CDH23: variants seen among roughly 807,000 people sequenced by gnomAD.
CDH23 encodes the protein cadherin related 23, also known as cadherin-23.
In CDH23, 189 loss-of-function variants were observed where a neutral mutation model predicts 317.1. The observed-to-expected ratio is 0.60, with a 90% CI of 0.53 to 0.67. The LOEUF is 0.67. Among genes scored for constraint, CDH23 ranks in the 30% least tolerant of loss-of-function variants. The probability of loss-of-function intolerance (pLI) is 0.00; values close to 1 mark genes in which losing one functional copy is unlikely to be tolerated. For missense variants in CDH23, 4,401 were observed against 4,592.4 expected, an observed-to-expected ratio of 0.96 and a Z score of 1.20; for synonymous variants, 1,839 against 1,876.8, an observed-to-expected ratio of 0.98 and a Z score of 0.52.
intron 1 of CDH23, among the ~76,000 whole-genome samples, chr10:71,432,260 G>T (rs1341127790): frequency 6.7e-6 from 1 of 149,702 alleles, no homozygotes; most frequent in African/African-American, 2.5e-5. Flanking sequence ...GTGTTTGAGA[G>T]TGTGTGTGTG....
At chr10:71,684,551 C>T (rs1459440785) in intron 18 of CDH23, among the ~76,000 whole-genome samples, 1 of 152,218 alleles carries the variant, frequency 6.6e-6, no homozygotes, top group Non-Finnish European at 1.5e-5. Context: ...TGACCTGGGT[C>T]TCTGAAACAA....
At position 71,791,727 on chromosome 10, in the gene CDH23, C is replaced by A. The variant is rs371080048; in HGVS notation, c.6253+392C>A. On this transcript the variant is annotated intron_variant, in intron 47 of 69. Coordinates refer to ENST00000224721, the MANE Select transcript of CDH23 (RefSeq NM_022124.6). Reference sequence around the variant, plus strand: ...AGTAGCTGGGATTACAGGCGCCCACCACCACACCCAGCTAATTTTTGTATT... The same window carrying A: ...AGTAGCTGGGATTACAGGCGCCCACAACCACACCCAGCTAATTTTTGTATT... Among the ~76,000 whole-genome samples, 537 of 152,112 alleles carry A rather than the reference C, an allele frequency of 3.5e-3. 2 individuals carry two copies. The highest frequency in any genetic ancestry group is 0.012 in the African/African-American group (510 of 41,496).
intron 9 of CDH23, among the ~76,000 whole-genome samples, chr10:71,603,504 C>T (rs1484493695): frequency 6.6e-6 from 1 of 152,188 alleles, no homozygotes; most frequent in Non-Finnish European, 1.5e-5. Flanking sequence ...ACCTGGGGCA[C>T]CTTGGCTCCC....
At chr10:71,788,517 G>A (rs772743428) in intron 44 of CDH23, among the ~76,000 whole-genome samples, 5 of 151,012 alleles carry the variant, frequency 3.3e-5, no homozygotes, top group Admixed American at 6.6e-5. Flanking sequence ...GTGCAGTGGC[G>A]TGATATCCGC....
chr10:71,500,759 GTTTTCTTTTCTTTTC>G (rs56124966), intron 3 of CDH23, among the ~76,000 whole-genome samples: 8,029 of 134,576 alleles, frequency 0.06, 265 homozygotes, highest in South Asian at 0.1. Context: ...CTCTGAGCCT[GTTTTCTTTTCTTTTC>G]TTTTCTTTTC....
chr10:71,706,942 A>T lies in CDH23; in HGVS notation c.2999A>T (p.Tyr1000Phe). The T allele has an allele frequency of 6.2e-7, 1 of 1,607,474 alleles. No homozygotes were observed. Among genetic ancestry groups the T allele is most frequent in the East Asian group, 2.2e-5 (1 of 44,580 alleles). The change falls in exon 26 of 70, where the codon TAC becomes TTC. Residue 1000 changes from tyrosine to phenylalanine, a missense_variant. Physicochemically the swap from Tyr to Phe is conservative, Grantham distance 22. This residue lies in a region of CDH23 where 3,068 missense variants were observed against 3,203.3 expected (regional missense o/e 0.96). Transcript: ENST00000224721. ...ACGCCCACCTTCTTCCCGGCCGTGTACAATGTGTCTGTGTCCGAGGACGTG... is the reference window on the plus strand; with the variant it reads ...ACGCCCACCTTCTTCCCGGCCGTGTTCAATGTGTCTGTGTCCGAGGACGTG... ...DETPTFFPAVYNVSVSEDVPR... is the reference protein window; with the variant it reads ...DETPTFFPAVFNVSVSEDVPR...
chr10:71,640,073 T>C (rs1177312860), intron 11 of CDH23, among the ~76,000 whole-genome samples: 1 of 152,178 alleles, frequency 6.6e-6, no homozygotes, highest in Non-Finnish European at 1.5e-5. Flanking sequence ...GTCTCATTCA[T>C]TTGAAACCCC....
At chr10:71,731,949 T>C in intron 31 of CDH23, 38 bp from the exon 32 acceptor site, 1 of 1,594,664 alleles carries the variant, frequency 6.3e-7, no homozygotes, top group Non-Finnish European at 8.6e-7. Flanking sequence ...CCCACTCAGT[T>C]CTATCTGGGA....
At chr10:71,597,961 AG>A (rs1385582552) in intron 9 of CDH23, among the ~76,000 whole-genome samples, 1 of 151,868 alleles carries the variant, frequency 6.6e-6, no homozygotes, top group East Asian at 1.9e-4. Flanking sequence ...AAGGGAGGGG[AG>A]GGCCTGGCCA....
At chr10:71,767,101 T>C (rs1489401626) in intron 38 of CDH23, among the ~76,000 whole-genome samples, 3 of 152,206 alleles carry the variant, frequency 2.0e-5, no homozygotes, top group Non-Finnish European at 4.4e-5. Context: ...GTGCCTGAGA[T>C]TTCTAGCTGT....
At chr10:71,450,560 G>A (rs1466648324) in intron 3 of CDH23, among the ~76,000 whole-genome samples, 3 of 152,184 alleles carry the variant, frequency 2.0e-5, no homozygotes, top group Non-Finnish European at 2.9e-5. Context: ...GAGCCACCGC[G>A]TCTTGCCCTG....
At position 71,815,362 on chromosome 10, in the gene CDH23, G is replaced by C. The variant is rs911913437; in HGVS notation, c.*84G>C. 9 of 1,324,834 alleles carry C rather than the reference G, an allele frequency of 6.8e-6. No individual in the cohort carries two copies. Among genetic ancestry groups the C allele is most frequent in the Admixed American group, 2.8e-5 (1 of 35,748 alleles). 82.1% of individuals were successfully genotyped at this position (1,324,834 alleles called of 1,614,324 possible). ...GCAAGGGCAGGGACAGGGCCGGTCG[G>C]GGGGGACCCTCCAAGGCCAGGCCTT... On this transcript the variant is annotated 3_prime_UTR_variant, in exon 70 of 70. Coordinates refer to ENST00000224721, the MANE Select transcript of CDH23 (RefSeq NM_022124.6).
chr10:71,777,590 G>A (rs1202697217), intron 38 of CDH23, 90 bp from the exon 39 acceptor site: 1 of 1,108,222 alleles, frequency 9.0e-7, no homozygotes, highest in Non-Finnish European at 1.3e-6. Context: ...GAGTCACATG[G>A]AGTGAGTTCA....
intron 1 of CDH23, among the ~76,000 whole-genome samples, chr10:71,428,430 G>T (rs992058739): frequency 6.9e-6 from 1 of 145,190 alleles, no homozygotes; most frequent in Non-Finnish European, 1.5e-5. Context: ...GAGCCACCAC[G>T]CCTGGCCTCC....
intron 30 of CDH23, 126 bp from the exon 31 acceptor site, chr10:71,730,343 C>G: frequency 8.0e-7 from 1 of 1,248,842 alleles, no homozygotes; most frequent in Non-Finnish European, 1.1e-6. Context: ...GGCCTGGGGT[C>G]CTAGAGGGAG....
intron 6 of CDH23, among the ~76,000 whole-genome samples, chr10:71,565,692 G>A (rs548337001): frequency 6.6e-6 from 1 of 152,294 alleles, no homozygotes; most frequent in South Asian, 2.1e-4. Context: ...GCACTTATGT[G>A]CTAGAATGTT....
At chr10:71,496,329 C>T (rs1157920046) in intron 3 of CDH23, among the ~76,000 whole-genome samples, 1 of 117,430 alleles carries the variant, frequency 8.5e-6, no homozygotes, top group East Asian at 2.6e-4. Context: ...GGCAACAAAG[C>T]AAAACATTTT....
chr10:71,516,535 A>T (rs1267290357), intron 6 of CDH23, among the ~76,000 whole-genome samples: 1 of 152,252 alleles, frequency 6.6e-6, no homozygotes, highest in African/African-American at 2.4e-5. Flanking sequence ...GCCATTTGTC[A>T]ATGAAATCAA....
intron 34 of CDH23, among the ~76,000 whole-genome samples, chr10:71,734,873 C>T (rs922671465): frequency 3.3e-5 from 5 of 152,250 alleles, no homozygotes; most frequent in African/African-American, 1.2e-4. Flanking sequence ...TGTGTCTTGC[C>T]TAGCCCCGGT....
Sources: allele counts gnomAD v4.1 joint callset (sites outside exome capture counted in the v4.1 genomes callset), GRCh38; gene constraint gnomAD v4.1.1; regional missense constraint gnomAD v4.1.1; transcripts MANE v1.5; gene names NCBI Gene and HGNC (gene_info 2026-07-23, HGNC 2026-07-21).